ZNF729: variants seen among roughly 807,000 people sequenced by gnomAD.
ZNF729 encodes the protein zinc finger protein 729.
ZNF729 carries 15 observed loss-of-function variants against 12.2 expected under a neutral mutation model. The ratio of observed to expected loss-of-function variants is 1.23; its 90% CI spans 0.82 to 1.89. The LOEUF is 1.89. Ranked by LOEUF, ZNF729 falls within the 40% of genes most tolerant of loss-of-function variation. The pLI is 0.00. For synonymous variants in ZNF729, 492 were observed against 476.3 expected (o/e 1.03, Z -0.43); for missense variants, 1,540 against 1,456.7 (o/e 1.06, Z -0.93).
At chr19:22,311,196 A>T (rs1267317657) in intron 3 of ZNF729, among the ~76,000 whole-genome samples, 2 of 151,504 alleles carry the variant, frequency 1.3e-5, no homozygotes. Flanking sequence ...ATTTCATTTC[A>T]TTCTGCTCTG....
intron 2 of ZNF729, 87 bp from the exon 3 acceptor site, chr19:22,304,601 C>T: frequency 8.7e-7 from 1 of 1,145,734 alleles, no homozygotes; most frequent in Non-Finnish European, 1.2e-6. Context: ...GATCAATTTA[C>T]TAGAATATTC....
At position 22,315,099 on chromosome 19, in the gene ZNF729, T is replaced by G. The variant is rs1315497487; in HGVS notation, c.1682T>G (p.Val561Gly). 6.2e-7 allele frequency: 1 copy of G among 1,605,710 alleles called. No individual in the cohort carries two copies. Among genetic ancestry groups the G allele is most frequent in the Non-Finnish European group, 8.5e-7 (1 of 1,178,180 alleles). Residue 561 changes from valine (V) to glycine (G), a missense_variant, in exon 4 of 4, where the codon GTA becomes GGA. Val to Gly is a moderately radical substitution (Grantham distance 109, BLOSUM62 -3). Transcript: ENST00000601693. ...KAFKWSSKLT[V>G]HKVIHTGEKP... ...TTTAAGTGGTCATCAAAACTTACTG[T>G]ACATAAGGTAATTCATACTGGAGAG...
chr19:22,296,778 C>G (rs545067837), intron 1 of ZNF729, among the ~76,000 whole-genome samples: 53 of 152,234 alleles, frequency 3.5e-4, no homozygotes, highest in African/African-American at 1.2e-3. Context: ...AGCTGTGTTG[C>G]AGAGATTCTG....
intron 1 of ZNF729, among the ~76,000 whole-genome samples, chr19:22,287,590 A>G (rs760532542): frequency 6.6e-6 from 1 of 151,678 alleles, no homozygotes; most frequent in African/African-American, 2.4e-5. Flanking sequence ...TAAAAAGTAG[A>G]TATCAGGGAC....
At position 22,314,277 on chromosome 19, in the gene ZNF729, C is replaced by G. The variant is rs570634417; in HGVS notation, c.860C>G (p.Thr287Ser). The G allele has an allele frequency of 6.2e-7, 1 of 1,610,234 alleles. No individual in the cohort carries two copies. Among genetic ancestry groups the G allele is most frequent in the South Asian group, 1.1e-5 (1 of 90,898 alleles). ...SNLTDHKRIH[T>S]GEKTYKCEEC... ...CTTACTGACCATAAGAGAATTCATA[C>G]TGGAGAGAAAACCTACAAATGTGAA... Residue 287 changes from threonine (T) to serine (S), a missense_variant, in exon 4 of 4, where the codon ACT becomes AGT. Physicochemically the swap from Thr to Ser is moderately conservative, Grantham distance 58. Coordinates refer to ENST00000601693, the MANE Select transcript of ZNF729 (RefSeq NM_001242680.2).
At chr19:22,313,171 C>T (rs1429201828) in intron 3 of ZNF729, among the ~76,000 whole-genome samples, 1 of 152,016 alleles carries the variant, frequency 6.6e-6, no homozygotes, top group Non-Finnish European at 1.5e-5. Flanking sequence ...ATTGCCTCAG[C>T]CTCCCAAGTA....
chr19:22,308,084 T>C (rs1793640470), intron 3 of ZNF729, among the ~76,000 whole-genome samples: 1 of 152,096 alleles, frequency 6.6e-6, no homozygotes, highest in Non-Finnish European at 1.5e-5. Flanking sequence ...CCTCATAGCT[T>C]AGCTCCTACA....
chr19:22,301,882 G>C (rs554051548), intron 1 of ZNF729, among the ~76,000 whole-genome samples: 1 of 152,310 alleles, frequency 6.6e-6, no homozygotes, highest in Non-Finnish European at 1.5e-5. Context: ...CAGAAGAGGT[G>C]ATCTAGATTC....
intron 3 of ZNF729, among the ~76,000 whole-genome samples, chr19:22,308,335 T>C (rs1968410384): frequency 6.6e-6 from 1 of 152,190 alleles, no homozygotes; most frequent in African/African-American, 2.4e-5. Context: ...TATAAACATG[T>C]GTGCAAGTAT....
At chr19:22,307,316 ATTTTTTTTTTTTTTT>A (rs35650592) in intron 3 of ZNF729, among the ~76,000 whole-genome samples, 3 of 95,302 alleles carry the variant, frequency 3.1e-5, no homozygotes, top group Non-Finnish European at 4.1e-5. Context: ...ACAATGTAGC[ATTTTTTTTTTTTTTT>A]TTTTTTTTTT....
chr19:22,316,501 T>C lies in ZNF729; in HGVS notation c.3084T>C (p.Ala1028=), dbSNP rs775063318. 86 of 1,613,522 alleles carry C rather than the reference T, an allele frequency of 5.3e-5. No homozygotes were observed. The East Asian group carries it at 1.9e-3, about 36-fold the overall frequency. ...ACAAATGTGAAGAATGTGTCAAAGC[T>C]TTTAACAATTTCTCAGCCCTTATGA... ...KLYKCEECVK[A]FNNFSALMKH... Residue 1028 remains alanine, a synonymous_variant, in exon 4 of 4, where the codon GCT becomes GCC. Coordinates refer to ENST00000601693, the MANE Select transcript of ZNF729 (RefSeq NM_001242680.2).
At position 22,315,606 on chromosome 19, in the gene ZNF729, A is replaced by G. The variant is rs767345117; in HGVS notation, c.2189A>G (p.His730Arg). 3.1e-6 allele frequency: 5 copies of G among 1,609,218 alleles called. No homozygotes were observed. The South Asian group carries it at 3.3e-5, about 11-fold the overall frequency. Residue 730 changes from histidine to arginine, a missense_variant, in exon 4 of 4, where the codon CAT (histidine) becomes CGT (arginine). By Grantham distance (29) the His-to-Arg change is conservative (BLOSUM62 0). Coordinates refer to ENST00000601693, the MANE Select transcript of ZNF729 (RefSeq NM_001242680.2). ...AAGTGGTCATCAAAACTTACTGTAC[A>G]TAAGGTAATTCATACTGCAGAGAAA... ...AFKWSSKLTV[H>R]KVIHTAEKPC...
intron 1 of ZNF729, among the ~76,000 whole-genome samples, chr19:22,290,508 C>A (rs894578526): frequency 2.0e-5 from 3 of 151,966 alleles, no homozygotes; most frequent in Non-Finnish European, 4.4e-5. Context: ...GAAGAGCAAA[C>A]AGTATTAGGA....
Position 22,314,766 on chromosome 19 carries a change from A to G in ZNF729, c.1349A>G (p.His450Arg). ...AACAGTTCCTCAACCCTTATGAAAC[A>G]TAAGATAATTCATACTGGGGAGAAA... is the stretch of plus-strand genomic sequence containing the variant. ...AFNSSSTLMK[H>R]KIIHTGEKPY... The change falls in exon 4 of 4, where the codon CAT (histidine) becomes CGT (arginine). Residue 450 changes from histidine to arginine, a missense_variant. By Grantham distance (29) the His-to-Arg change is conservative. Transcript: ENST00000601693. 2 of 1,613,792 alleles carry G rather than the reference A, an allele frequency of 1.2e-6. No homozygotes were observed. The highest frequency in any genetic ancestry group is 1.7e-6 in the Non-Finnish European group (2 of 1,179,904).
intron 1 of ZNF729, among the ~76,000 whole-genome samples, chr19:22,303,024 C>T (rs1408755211): frequency 2.0e-5 from 3 of 152,202 alleles, no homozygotes; most frequent in Non-Finnish European, 4.4e-5. Flanking sequence ...ATCCACCCAC[C>T]TCAGCCTCCC....
At chr19:22,300,251 T>C (rs1968286982) in intron 1 of ZNF729, among the ~76,000 whole-genome samples, 1 of 152,210 alleles carries the variant, frequency 6.6e-6, no homozygotes, top group South Asian at 2.1e-4. Flanking sequence ...TAGGATGAAC[T>C]GTGTATGACA....
chr19:22,297,770 G>A (rs1310090399), intron 1 of ZNF729, among the ~76,000 whole-genome samples: 6 of 151,860 alleles, frequency 4.0e-5, no homozygotes, highest in Admixed American at 6.6e-5. Flanking sequence ...TTGGGAGGCC[G>A]AGGCGGGCGG....
intron 1 of ZNF729, among the ~76,000 whole-genome samples, chr19:22,288,171 T>A (rs1968105566): frequency 1.3e-5 from 2 of 152,182 alleles, no homozygotes; most frequent in South Asian, 4.1e-4. Context: ...TGTACATTTT[T>A]GATACCATGT....
intron 1 of ZNF729, among the ~76,000 whole-genome samples, chr19:22,287,379 A>C (rs1222162244): frequency 2.0e-5 from 3 of 150,678 alleles, no homozygotes; most frequent in African/African-American, 7.3e-5. Flanking sequence ...CGATTCTCCT[A>C]CCTCAGCTTC....
Sources: allele counts gnomAD v4.1 joint callset (sites outside exome capture counted in the v4.1 genomes callset), GRCh38; gene constraint gnomAD v4.1.1; transcripts MANE v1.5; gene names NCBI Gene and HGNC (gene_info 2026-07-23, HGNC 2026-07-21).